Variants in MYO1D observed in about 807,000 individuals in gnomAD.
The protein encoded by MYO1D is myosin ID.
In MYO1D, 83 loss-of-function variants were observed where a neutral mutation model predicts 122.0. That is an observed-to-expected ratio of 0.68 (90% CI 0.57 to 0.82). The LOEUF is 0.82. Ranked by LOEUF, MYO1D falls within the 40% of genes least tolerant of loss-of-function variation. The pLI, the probability that MYO1D is intolerant of heterozygous loss-of-function variation, is 0.00. For synonymous variants in MYO1D, 464 were observed against 446.9 expected, an observed-to-expected ratio of 1.04 and a Z score of -0.48; for missense variants, 1,157 against 1,269.5, an observed-to-expected ratio of 0.91 and a Z score of 1.35.
At chr17:32,737,331 TA>T (rs2089715297) in intron 14 of MYO1D, among the ~76,000 whole-genome samples, 1 of 150,374 alleles carries the variant, frequency 6.7e-6, no homozygotes, top group Non-Finnish European at 1.5e-5. Flanking sequence ...AAAGAAACAA[TA>T]AAAAACACAA....
intron 7 of MYO1D, 101 bp downstream of exon 7, chr17:32,767,535 T>C: frequency 1.4e-6 from 1 of 705,818 alleles, no homozygotes; most frequent in Non-Finnish European, 2.3e-6. Flanking sequence ...CAAAATTTTC[T>C]CTGAATACTT....
intron 1 of MYO1D, among the ~76,000 whole-genome samples, chr17:32,821,404 A>G (rs1002823509): frequency 6.6e-6 from 1 of 152,230 alleles, no homozygotes; most frequent in Non-Finnish European, 1.5e-5. Flanking sequence ...ATGAATGAAT[A>G]CATATGTACA....
chr17:32,799,829 AAACTCAAACTACTC>A (rs2090446140), intron 1 of MYO1D, among the ~76,000 whole-genome samples: 1 of 152,170 alleles, frequency 6.6e-6, no homozygotes, highest in South Asian at 2.1e-4. Context: ...AATATATAAG[AAACTCAAACTACTC>A]AATAATAAGA....
chr17:32,778,965 CTATAAGAGAATTTCTT>C (rs1041661232), intron 2 of MYO1D, among the ~76,000 whole-genome samples: 18 of 151,942 alleles, frequency 1.2e-4, no homozygotes, highest in African/African-American at 3.9e-4. Context: ...ATCTTATTTT[CTATAAGAGAATTTCTT>C]TTAATCTTAA....
chr17:32,707,047 G>T (rs1409158416), intron 16 of MYO1D, among the ~76,000 whole-genome samples: 1 of 151,972 alleles, frequency 6.6e-6, no homozygotes, highest in Non-Finnish European at 1.5e-5. Flanking sequence ...TGAAGAAAAA[G>T]ACAAATTTCA....
In MYO1D at chr17:32,803,300, C is replaced by T. The variant is rs2090476457; in HGVS notation, c.96-22516G>A. On this transcript the variant is annotated intron_variant, in intron 1 of 21. Transcript: ENST00000318217. Reference sequence around the variant, plus strand: ...TAGCTGGGACTACAGGTGCCCGCCACCACACCCAGCTAATTTTTTGTATTT... The same window carrying T: ...TAGCTGGGACTACAGGTGCCCGCCATCACACCCAGCTAATTTTTTGTATTT... Among the ~76,000 whole-genome samples, 4 of 152,196 alleles carry T rather than the reference C, an allele frequency of 2.6e-5. No individual in the cohort carries two copies. The South Asian group carries it at 6.2e-4, about 24-fold the overall frequency.
intron 15 of MYO1D, 136 bp downstream of exon 15, chr17:32,720,887 T>C: frequency 1.1e-6 from 1 of 923,184 alleles, no homozygotes; most frequent in Non-Finnish European, 1.5e-6. Flanking sequence ...AAGTCTTTCA[T>C]ATTTGTAATT....
At chr17:32,539,644 C>T (rs1052547512) in intron 21 of MYO1D, among the ~76,000 whole-genome samples, 3 of 152,164 alleles carry the variant, frequency 2.0e-5, no homozygotes, top group African/African-American at 7.2e-5. Flanking sequence ...GTTAAATCTC[C>T]CTCTACCTTT....
At chr17:32,653,607 CAAAAAAAAA>C (rs35172819) in intron 19 of MYO1D, among the ~76,000 whole-genome samples, 1 of 99,994 alleles carries the variant, frequency 1.0e-5, no homozygotes, top group South Asian at 3.4e-4. Context: ...ACTCCGTCTC[CAAAAAAAAA>C]AAAAAAAAAA....
intron 21 of MYO1D, among the ~76,000 whole-genome samples, chr17:32,571,703 C>T (rs2087229910): frequency 6.6e-6 from 1 of 152,146 alleles, no homozygotes. Context: ...CTTTCAAACT[C>T]TCTCTCCCCT....
intron 21 of MYO1D, among the ~76,000 whole-genome samples, chr17:32,560,110 C>T (rs985855423): frequency 6.6e-6 from 1 of 152,112 alleles, no homozygotes; most frequent in African/African-American, 2.4e-5. Flanking sequence ...ACAAAATTAG[C>T]CAGGTGTGGT....
intron 21 of MYO1D, among the ~76,000 whole-genome samples, chr17:32,592,911 G>T (rs144941308): frequency 6.6e-6 from 1 of 152,090 alleles, no homozygotes; most frequent in Non-Finnish European, 1.5e-5. Flanking sequence ...GCCCAGTACC[G>T]TATCACTTCC....
intron 1 of MYO1D, among the ~76,000 whole-genome samples, chr17:32,856,572 G>C (rs1189127810): frequency 6.6e-6 from 1 of 152,146 alleles, no homozygotes; most frequent in Non-Finnish European, 1.5e-5. Context: ...CTTGGATGCT[G>C]TATTTAATGG....
intron 16 of MYO1D, among the ~76,000 whole-genome samples, chr17:32,693,654 A>G (rs557786632): frequency 3.5e-4 from 54 of 152,336 alleles, no homozygotes; most frequent in African/African-American, 1.3e-3. Flanking sequence ...TAGTAATGAG[A>G]TATCACCCAG....
At chr17:32,572,773 T>A (rs533232628) in intron 21 of MYO1D, among the ~76,000 whole-genome samples, 1 of 152,168 alleles carries the variant, frequency 6.6e-6, no homozygotes, top group Non-Finnish European at 1.5e-5. Context: ...ATTTCCATTT[T>A]AGGGCCTTTA....
chr17:32,571,504 C>T (rs187418563), intron 21 of MYO1D, among the ~76,000 whole-genome samples: 14 of 152,130 alleles, frequency 9.2e-5, no homozygotes, highest in Admixed American at 2.0e-4. Flanking sequence ...GGTGGGGTCG[C>T]GTTGATAATT....
chr17:32,763,718 G>A (rs1051656421), intron 8 of MYO1D, among the ~76,000 whole-genome samples: 20 of 152,104 alleles, frequency 1.3e-4, no homozygotes, highest in Admixed American at 9.2e-4. Context: ...TCAGGAGTCC[G>A]AGACCAGCCT....
At chr17:32,596,633 T>C (rs1368648260) in intron 21 of MYO1D, among the ~76,000 whole-genome samples, 1 of 152,104 alleles carries the variant, frequency 6.6e-6, no homozygotes, top group Non-Finnish European at 1.5e-5. Context: ...CTCCTTTAAT[T>C]AAGGAGATAT....
At chr17:32,738,452 AT>A (rs1470456807) in intron 13 of MYO1D, 67 bp from the exon 14 acceptor site, 15 of 1,436,258 alleles carry the variant, frequency 1.0e-5, no homozygotes, top group Non-Finnish European at 1.4e-5. Flanking sequence ...CTGATAAGCA[AT>A]TCTGCTGAAA....
Sources: allele counts gnomAD v4.1 joint callset (sites outside exome capture counted in the v4.1 genomes callset), GRCh38; gene constraint gnomAD v4.1.1; transcripts MANE v1.5; gene names NCBI Gene and HGNC (gene_info 2026-07-23, HGNC 2026-07-21).